Variants in MKRN2 observed in about 807,000 individuals in gnomAD.
MKRN2 encodes the protein makorin ring finger protein 2, also known as E3 ubiquitin-protein ligase makorin-2.
In MKRN2, 32 loss-of-function variants were observed where a neutral mutation model predicts 45.4. That is an observed-to-expected ratio of 0.70 (90% confidence interval 0.53 to 0.95). The LOEUF (loss-of-function observed/expected upper bound fraction) is 0.95, where lower values mean the gene tolerates loss of function less well. Ranked by LOEUF, MKRN2 falls within the 40% of genes least tolerant of loss-of-function variation. The pLI is 0.00. For missense variants in MKRN2, 526 were observed against 536.7 expected (o/e 0.98, Z 0.20); for synonymous variants, 206 against 192.4 (o/e 1.07, Z -0.59).
At chr3:12,566,761 C>T (rs1440116968) in intron 1 of MKRN2, among the ~76,000 whole-genome samples, 1 of 152,160 alleles carries the variant, frequency 6.6e-6, no homozygotes, top group Non-Finnish European at 1.5e-5. Flanking sequence ...TGCCACCACA[C>T]CTGGCTAATT....
In MKRN2 at chr3:12,572,805, G is replaced by A. The variant is rs564367211; in HGVS notation, c.642+432G>A. On this transcript the variant is annotated intron_variant, in intron 4 of 7. Coordinates refer to ENST00000170447, the MANE Select transcript of MKRN2 (RefSeq NM_014160.5). ...TCACCACGTTGGCCAGGCTGGTCTCGAACTCCTGACCTCAAGTTGTCCGCC... is the reference window on the plus strand; with the variant it reads ...TCACCACGTTGGCCAGGCTGGTCTCAAACTCCTGACCTCAAGTTGTCCGCC... Among the ~76,000 whole-genome samples, 4 of 152,120 alleles carry A rather than the reference G, an allele frequency of 2.6e-5. No homozygotes were observed. The East Asian group carries it at 7.8e-4, about 29-fold the overall frequency.
At position 12,576,761 on chromosome 3, in the gene MKRN2, G is replaced by A. The variant is rs761102332; in HGVS notation, c.968+20G>A. On this transcript the variant is annotated intron_variant, in intron 6 of 7. Coordinates refer to ENST00000170447, the MANE Select transcript of MKRN2 (RefSeq NM_014160.5). ...GATGGGGTAAGTGCTTTTGAGTTTC[G>A]ACGTGCCCCTGCTGCCTGCCTGGCT... is the stretch of plus-strand genomic sequence containing the variant. 16 of 1,531,520 alleles carry A rather than the reference G, an allele frequency of 1.0e-5. No individual in the cohort carries two copies. The highest frequency in any genetic ancestry group is 9.1e-5 in the East Asian group (4 of 44,022). 94.9% of individuals were successfully genotyped at this position (1,531,520 alleles called of 1,614,324 possible).
intron 1 of MKRN2, among the ~76,000 whole-genome samples, chr3:12,561,380 A>T (rs922362191): frequency 1.1e-4 from 16 of 152,246 alleles, no homozygotes; most frequent in African/African-American, 3.9e-4. Flanking sequence ...TACCTAAAAA[A>T]GTCTTTCTTC....
intron 1 of MKRN2, among the ~76,000 whole-genome samples, chr3:12,560,188 G>A (rs932776686): frequency 9.2e-5 from 14 of 152,194 alleles, no homozygotes; most frequent in African/African-American, 2.7e-4. Context: ...AAATGTCCCA[G>A]TAGTCTATCA....
chr3:12,578,421 A>G lies in MKRN2; in HGVS notation c.968+1680A>G, dbSNP rs1004181587. ...CTGCCACCTCCGCCTTCCAGGTTCA[A>G]GCACTTCTGCCTCAGCCTCCCAAGA... is the stretch of plus-strand genomic sequence containing the variant. On this transcript the variant is annotated intron_variant, in intron 6 of 7. Transcript: ENST00000170447. 4.0e-5 allele frequency among the ~76,000 whole-genome samples: 6 copies of G among 149,580 alleles called. No homozygotes were observed. In the Admixed American group the frequency reaches 4.1e-4, roughly 10 times the overall value.
intron 1 of MKRN2, among the ~76,000 whole-genome samples, chr3:12,562,584 G>A (rs529621724): frequency 6.6e-6 from 1 of 152,214 alleles, no homozygotes; most frequent in South Asian, 2.1e-4. Flanking sequence ...ACCAGTCTAT[G>A]GCCTTTTAGG....
Position 12,582,279 on chromosome 3 carries a change from G to C in MKRN2, c.*26G>C. 1 of 1,610,088 alleles carries C rather than the reference G, an allele frequency of 6.2e-7. No homozygotes were observed. On this transcript the variant is annotated 3_prime_UTR_variant, in exon 8 of 8. Transcript: ENST00000170447. Reference sequence around the variant, plus strand: ...AGAGTAGATGGTTGCCCTGCATCTTGGGCTCCATCGGCCGAAACTTTCCCA... The same window carrying C: ...AGAGTAGATGGTTGCCCTGCATCTTCGGCTCCATCGGCCGAAACTTTCCCA...
rs966105207 is a variant in MKRN2 at position 12,582,607 on chromosome 3, C to T, written c.*354C>T. The T allele has an allele frequency of 2.3e-5, 5 of 215,230 alleles. No homozygotes were observed. The highest frequency in any genetic ancestry group is 5.1e-5 in the Admixed American group (1 of 19,680). 13.3% of individuals were successfully genotyped at this position (215,230 alleles called of 1,614,324 possible). On this transcript the variant is annotated 3_prime_UTR_variant, in exon 8 of 8. Transcript: ENST00000170447. The stretch of plus-strand genomic sequence containing the variant: ...TTCTTCCCCAGAAATAGTAAACTTG[C>T]AGCTGCCCCTAATGCAGCATATTTT...
At chr3:12,566,583 C>G (rs1205751610) in intron 1 of MKRN2, among the ~76,000 whole-genome samples, 1 of 152,078 alleles carries the variant, frequency 6.6e-6, no homozygotes, top group Admixed American at 6.6e-5. Flanking sequence ...TTTTTCACTT[C>G]TAGAAGTTTC....
chr3:12,576,879 CTGG>C (rs1308918788), intron 6 of MKRN2, 138 bp downstream of exon 6: 16 of 430,292 alleles, frequency 3.7e-5, no homozygotes, highest in East Asian at 1.3e-4. Context: ...ATGCTGGGCT[CTGG>C]GATGCAGCAA....
At chr3:12,564,226 G>A (rs954936185) in intron 1 of MKRN2, among the ~76,000 whole-genome samples, 5 of 152,186 alleles carry the variant, frequency 3.3e-5, no homozygotes, top group African/African-American at 4.8e-5. Flanking sequence ...GATTACAGGC[G>A]TGAGCCACTG....
chr3:12,578,979 G>C (rs61679000), intron 6 of MKRN2, among the ~76,000 whole-genome samples: 1 of 150,142 alleles, frequency 6.7e-6, no homozygotes, highest in African/African-American at 2.5e-5. Context: ...CCAGCCTGTA[G>C]AAAAGGGTCC....
intron 6 of MKRN2, among the ~76,000 whole-genome samples, chr3:12,579,106 A>G (rs1157746577): frequency 6.6e-6 from 1 of 152,116 alleles, no homozygotes; most frequent in Admixed American, 6.5e-5. Flanking sequence ...ACAAACATTT[A>G]CTGAGTACTC....
Position 12,572,133 on chromosome 3 carries a change from C to T in MKRN2, c.402C>T (p.Ser134=), listed in dbSNP as rs757190739. The T allele has an allele frequency of 1.9e-5, 30 of 1,613,772 alleles. No homozygotes were observed. In the South Asian group the frequency reaches 2.9e-4, roughly 15 times the overall value. Reference sequence around the variant, plus strand: ...TGGTGAGTAATCCAGGCAGCTGCAGCGACCCCCAGCCCAGCCCCGAGATGA... The same window carrying T: ...TGGTGAGTAATCCAGGCAGCTGCAGTGACCCCCAGCCCAGCCCCGAGATGA... ...PSMVSNPGSC[S]DPQPSPEMKP... Residue 134 remains serine (S), a synonymous_variant, in exon 4 of 8, where the codon AGC becomes AGT. Transcript: ENST00000170447.
chr3:12,576,799 C>T (rs538935921), intron 6 of MKRN2, 58 bp downstream of exon 6: 14 of 1,251,380 alleles, frequency 1.1e-5, no homozygotes, highest in African/African-American at 7.4e-5. Context: ...GCTGTCAGCC[C>T]GTGTCCTCGT....
chr3:12,569,468 A>AT (rs1167930789), intron 2 of MKRN2, among the ~76,000 whole-genome samples: 1 of 152,000 alleles, frequency 6.6e-6, no homozygotes, highest in Admixed American at 6.6e-5. Flanking sequence ...CCTAATTTTC[A>AT]TTTTTTAAAA....
rs1185448465 is a variant in MKRN2, at chr3:12,583,685, CAAAATT to C, written c.*1437_*1442del. ...TGTATTTTGTCAGGTGCAATAAAAA[CAAAATT>C]AAAACCCAAATCATCAAGAAAACCT... On this transcript the variant is annotated 3_prime_UTR_variant, in exon 8 of 8. Transcript: ENST00000170447. 4.3e-6 allele frequency: 1 copy of C among 233,236 alleles called. No individual in the cohort carries two copies. Among genetic ancestry groups the C allele is most frequent in the African/African-American group, 2.2e-5 (1 of 45,334 alleles). The allele number at this position is 233,236 out of a possible 1,614,324, so 14.4% of individuals were successfully genotyped here.
At chr3:12,580,313 G>T (rs553966805) in intron 6 of MKRN2, among the ~76,000 whole-genome samples, 1 of 152,190 alleles carries the variant, frequency 6.6e-6, no homozygotes, top group African/African-American at 2.4e-5. Flanking sequence ...AACTGCTCAC[G>T]GTCATTTGAA....
intron 1 of MKRN2, among the ~76,000 whole-genome samples, chr3:12,559,436 G>C (rs1447791976): frequency 1.3e-5 from 2 of 151,702 alleles, no homozygotes; most frequent in Non-Finnish European, 2.9e-5. Flanking sequence ...GGTTTTGTTT[G>C]TTTTTTTGTT....
Sources: gnomAD v4.1 joint callset for allele counts (sites outside exome capture counted in the v4.1 genomes callset) on GRCh38, gnomAD v4.1.1 for gene constraint, MANE v1.5 for transcripts, NCBI Gene and HGNC (gene_info 2026-07-23, HGNC 2026-07-21) for gene names.